Variants in SORCS1 observed in about 807,000 individuals in gnomAD.
SORCS1 encodes sortilin related VPS10 domain containing receptor 1.
A neutral mutation model predicts 146.1 loss-of-function variants in SORCS1; 60 were observed. The observed-to-expected ratio is 0.41, with a 90% confidence interval of 0.33 to 0.51. The LOEUF is 0.51. Ranked by LOEUF, SORCS1 falls within the 20% of genes least tolerant of loss-of-function variation. SORCS1 has a pLI of 0.21. For synonymous variants in SORCS1, 637 were observed against 584.0 expected (o/e 1.09, Z -1.31); for missense variants, 1,352 against 1,487.6 (o/e 0.91, Z 1.50).
At chr10:107,017,829 T>C (rs912861456) in intron 1 of SORCS1, among the ~76,000 whole-genome samples, 2 of 151,196 alleles carry the variant, frequency 1.3e-5, no homozygotes, top group African/African-American at 4.9e-5. Context: ...TTTTTGTTTG[T>C]TTTTTTGTAG....
intron 5 of SORCS1, among the ~76,000 whole-genome samples, chr10:106,760,074 T>C (rs1289160657): frequency 2.6e-5 from 4 of 152,118 alleles, no homozygotes; most frequent in South Asian, 4.1e-4. Context: ...TATTTGCAAA[T>C]AGGGCCTTTA....
intron 3 of SORCS1, among the ~76,000 whole-genome samples, chr10:106,797,223 A>C (rs889998111): frequency 6.6e-6 from 1 of 152,210 alleles, no homozygotes; most frequent in Non-Finnish European, 1.5e-5. Flanking sequence ...CTTTACTGGG[A>C]AAAACACTGT....
chr10:106,857,352 C>T (rs1949828468), intron 2 of SORCS1, among the ~76,000 whole-genome samples: 1 of 152,228 alleles, frequency 6.6e-6, no homozygotes, highest in South Asian at 2.1e-4. Context: ...CTGCCAAGGT[C>T]ACAAAGCAAA....
intron 2 of SORCS1, among the ~76,000 whole-genome samples, chr10:106,932,236 GA>G (rs1176682680): frequency 1.3e-5 from 2 of 152,046 alleles, no homozygotes; most frequent in Non-Finnish European, 2.9e-5. Context: ...AGAATTACAT[GA>G]TTTTTTTGAT....
At chr10:106,857,025 G>A (rs2137368426) in intron 2 of SORCS1, among the ~76,000 whole-genome samples, 1 of 152,284 alleles carries the variant, frequency 6.6e-6, no homozygotes, top group Non-Finnish European at 1.5e-5. Flanking sequence ...CCAGAAACCA[G>A]GAGTTCACCT....
At chr10:106,978,623 C>A (rs1956131628) in intron 1 of SORCS1, among the ~76,000 whole-genome samples, 2 of 151,968 alleles carry the variant, frequency 1.3e-5, no homozygotes, top group Admixed American at 1.3e-4. Context: ...CATGGTGAAA[C>A]CCCGTCTCTG....
chr10:106,796,560 CATTTTCTGT>C (rs1946564937), intron 3 of SORCS1, among the ~76,000 whole-genome samples: 1 of 152,164 alleles, frequency 6.6e-6, no homozygotes, highest in Non-Finnish European at 1.5e-5. Flanking sequence ...ATGTAAAGGT[CATTTTCTGT>C]ATTAAAGCTC....
chr10:106,711,435 G>C (rs1854981308), intron 6 of SORCS1, among the ~76,000 whole-genome samples: 1 of 152,136 alleles, frequency 6.6e-6, no homozygotes, highest in South Asian at 2.1e-4. Flanking sequence ...AAGAAAACTA[G>C]GAAGGCGGAA....
intron 1 of SORCS1, among the ~76,000 whole-genome samples, chr10:107,054,733 T>A (rs929963663): frequency 2.0e-5 from 3 of 152,210 alleles, no homozygotes; most frequent in African/African-American, 7.2e-5. Flanking sequence ...CCACAGGGCA[T>A]GAGCTATGCT....
chr10:107,058,510 C>T lies in SORCS1; in HGVS notation c.559-101930G>A, dbSNP rs75327770. 4.7e-3 allele frequency among the ~76,000 whole-genome samples: 719 copies of T among 152,250 alleles called. 2 individuals carry two copies. The highest frequency in any genetic ancestry group is 7.8e-3 in the Admixed American group (119 of 15,288). ...AAATTACCTTGACTATAATTTTCTT[C>T]GATGATTCAGAAGGCACTTCAGGCT... On this transcript the variant is annotated intron_variant, in intron 1 of 25. Transcript: ENST00000263054.
chr10:107,126,296 C>T (rs184865814), intron 1 of SORCS1, among the ~76,000 whole-genome samples: 1 of 152,092 alleles, frequency 6.6e-6, no homozygotes, highest in East Asian at 1.9e-4. Flanking sequence ...TACAAGTAAA[C>T]ACTTAGATCA....
At chr10:107,080,516 G>A (rs1054912642) in intron 1 of SORCS1, among the ~76,000 whole-genome samples, 5 of 152,152 alleles carry the variant, frequency 3.3e-5, no homozygotes, top group South Asian at 4.1e-4. Flanking sequence ...GTCGCGTGTG[G>A]TCTGGTAACA....
intron 1 of SORCS1, among the ~76,000 whole-genome samples, chr10:107,152,100 G>A (rs1419932157): frequency 6.6e-6 from 1 of 152,164 alleles, no homozygotes; most frequent in Non-Finnish European, 1.5e-5. Context: ...GGCTAAAAGA[G>A]GCCAATGTAC....
At chr10:106,625,424 C>G (rs576861844) in intron 19 of SORCS1, among the ~76,000 whole-genome samples, 149 of 152,282 alleles carry the variant, frequency 9.8e-4, no homozygotes, top group Middle Eastern at 3.4e-3. Context: ...TCAAATTTCA[C>G]TGTACGTTAA....
intron 2 of SORCS1, among the ~76,000 whole-genome samples, chr10:106,904,521 G>A (rs1466673852): frequency 6.6e-6 from 1 of 152,168 alleles, no homozygotes; most frequent in African/African-American, 2.4e-5. Context: ...GGATTGTTGA[G>A]GAGAGCAAGC....
At chr10:106,641,273 G>A (rs1398581631) in intron 18 of SORCS1, among the ~76,000 whole-genome samples, 1 of 152,044 alleles carries the variant, frequency 6.6e-6, no homozygotes, top group Non-Finnish European at 1.5e-5. Context: ...TTTTGAGGGT[G>A]ACCCCATATG....
intron 1 of SORCS1, among the ~76,000 whole-genome samples, chr10:107,096,614 C>T (rs1964560058): frequency 6.6e-6 from 1 of 152,126 alleles, no homozygotes; most frequent in South Asian, 2.1e-4. Context: ...TGGGTTCAAG[C>T]GATTCTCCTG....
In SORCS1 at chr10:107,164,527, C is replaced by T. The variant is rs554526340; in HGVS notation, c.-1G>A. 5.2e-6 allele frequency: 7 copies of T among 1,343,956 alleles called. No homozygotes were observed. The highest frequency in any genetic ancestry group is 2.8e-4 in the Middle Eastern group (1 of 3,602). 83.3% of individuals were successfully genotyped at this position (1,343,956 alleles called of 1,614,324 possible). A position where few individuals can be genotyped will look rare whatever the true frequency, so the allele number is the denominator to read the frequency against. On this transcript the variant is annotated 5_prime_UTR_variant, in exon 1 of 26. Coordinates refer to ENST00000263054, the MANE Select transcript of SORCS1 (RefSeq NM_052918.5). The surrounding 1 kb of genome is among the most constrained non-coding windows in gnomAD (Gnocchi z 6.8). ...CGCCGCCGGCGCCAACTTTTCCCATCGCGGGAGCGAAGAGCAGCGGAGAGA... is the reference window on the plus strand; with the variant it reads ...CGCCGCCGGCGCCAACTTTTCCCATTGCGGGAGCGAAGAGCAGCGGAGAGA...
chr10:106,760,784 C>G (rs1174327564), intron 5 of SORCS1, among the ~76,000 whole-genome samples: 1 of 151,808 alleles, frequency 6.6e-6, no homozygotes, highest in Non-Finnish European at 1.5e-5. Context: ...AATTGAGAAA[C>G]TAGCAATAGC....
Sources: allele counts gnomAD v4.1 joint callset (sites outside exome capture counted in the v4.1 genomes callset), GRCh38; gene constraint gnomAD v4.1.1; non-coding constraint Gnocchi (gnomAD v3.1); transcripts MANE v1.5; gene names NCBI Gene and HGNC (gene_info 2026-07-23, HGNC 2026-07-21).